ITPR2: variants seen among roughly 807,000 people sequenced by gnomAD.
ITPR2 encodes the protein inositol 1,4,5-trisphosphate receptor type 2, also known as inositol 1,4,5-trisphosphate-gated calcium channel ITPR2.
A neutral mutation model predicts 317.1 loss-of-function variants in ITPR2; 207 were observed. The ratio of observed to expected loss-of-function variants is 0.65; its 90% confidence interval spans 0.58 to 0.73. The LOEUF (loss-of-function observed/expected upper bound fraction) is 0.73. ITPR2 is among the 30% of genes least tolerant of loss of function. The probability of loss-of-function intolerance (pLI) is 0.00; values close to 1 mark genes in which losing one functional copy is unlikely to be tolerated. For synonymous variants in ITPR2, 1,156 were observed against 1,149.1 expected, an observed-to-expected ratio of 1.01 and a Z score of -0.12; for missense variants, 2,613 against 3,284.0, an observed-to-expected ratio of 0.80 and a Z score of 4.99.
intron 54 of ITPR2, among the ~76,000 whole-genome samples, chr12:26,396,425 G>C (rs547796645): frequency 6.6e-6 from 1 of 152,066 alleles, no homozygotes; most frequent in South Asian, 2.1e-4. Flanking sequence ...TCTCTGCTTG[G>C]GCAGAGTTGA....
At chr12:26,784,004 G>C (rs957631527) in intron 2 of ITPR2, among the ~76,000 whole-genome samples, 1 of 112,692 alleles carries the variant, frequency 8.9e-6, no homozygotes, top group African/African-American at 2.6e-5. Context: ...GGAAAAGCTG[G>C]TGAAATATGA....
At chr12:26,472,518 C>T (rs1942317135) in intron 45 of ITPR2, among the ~76,000 whole-genome samples, 1 of 151,750 alleles carries the variant, frequency 6.6e-6, no homozygotes, top group Non-Finnish European at 1.5e-5. Flanking sequence ...TCGATATATC[C>T]ACCCCAATCA....
rs781283345 is a variant in ITPR2 at position 26,439,236 on chromosome 12, G to A, written c.6534C>T (p.Cys2178=). 5 of 1,612,754 alleles carry A rather than the reference G, an allele frequency of 3.1e-6. No individual in the cohort carries two copies. The Admixed American group carries it at 6.7e-5, about 22-fold the overall frequency. The change falls in exon 47 of 57, where the codon TGC becomes TGT. Residue 2178 remains cysteine (C), a synonymous_variant. Coordinates refer to ENST00000381340, the MANE Select transcript of ITPR2 (RefSeq NM_002223.4). ...CCCTTTCAGTTGTATTGAACACACG[G>A]CACTTGGATTCTCGAGTGAGGTATT... ...ICEYLTRESK[C]RVFNTTERDE... is the part of the protein sequence containing the mutation.
At chr12:26,754,120 T>A (rs1949480711) in intron 2 of ITPR2, among the ~76,000 whole-genome samples, 1 of 152,234 alleles carries the variant, frequency 6.6e-6, no homozygotes, top group African/African-American at 2.4e-5. Context: ...ATGCCTTTTA[T>A]TTAGTTCACG....
chr12:26,441,919 T>C (rs2136734999), intron 46 of ITPR2, among the ~76,000 whole-genome samples: 1 of 152,170 alleles, frequency 6.6e-6, no homozygotes, highest in South Asian at 2.1e-4. Flanking sequence ...ATGTGTGTAT[T>C]TATAATATAT....
Position 26,335,759 on chromosome 12 carries a change from G to A in ITPR2, c.*3638C>T, listed in dbSNP as rs1025206466. The A allele has an allele frequency of 2.6e-5, 4 of 152,122 alleles. No homozygotes were observed. Among genetic ancestry groups the A allele is most frequent in the African/African-American group, 7.2e-5 (3 of 41,420 alleles). 9.4% of individuals were successfully genotyped at this position (152,122 alleles called of 1,614,324 possible). A position where few individuals can be genotyped will look rare whatever the true frequency, so the allele number is the denominator to read the frequency against. ...ATTTTGAGAATACAGAGCTTCCCACGGCCTCCCCCATCCCTGCATTTGGTG... is the reference window on the plus strand; with the variant it reads ...ATTTTGAGAATACAGAGCTTCCCACAGCCTCCCCCATCCCTGCATTTGGTG... On this transcript the variant is annotated 3_prime_UTR_variant, in exon 57 of 57. Transcript: ENST00000381340.
chr12:26,439,362 TC>T (rs1231914280), intron 46 of ITPR2, 43 bp from the exon 47 acceptor site: 1 of 1,389,538 alleles, frequency 7.2e-7, no homozygotes, highest in Non-Finnish European at 9.8e-7. Flanking sequence ...TTCGGACACC[TC>T]AGTCTTAGAC....
chr12:26,484,255 T>C (rs1942612115), intron 41 of ITPR2, among the ~76,000 whole-genome samples: 1 of 150,488 alleles, frequency 6.6e-6, no homozygotes, highest in South Asian at 2.1e-4. Context: ...GAAAGAGTAA[T>C]GGGAAGTCGG....
intron 2 of ITPR2, among the ~76,000 whole-genome samples, chr12:26,751,926 G>A (rs146875978): frequency 1.0e-3 from 154 of 150,708 alleles, no homozygotes; most frequent in Middle Eastern, 3.6e-3. Flanking sequence ...ACATCATTTC[G>A]AACCCAGACA....
At chr12:26,489,781 G>A (rs1469937879) in intron 39 of ITPR2, among the ~76,000 whole-genome samples, 2 of 152,214 alleles carry the variant, frequency 1.3e-5, no homozygotes, top group African/African-American at 4.8e-5. Context: ...AATAAAGGAA[G>A]GGGCTGCAGT....
chr12:26,374,259 G>A (rs1311766685), intron 55 of ITPR2, among the ~76,000 whole-genome samples: 3 of 152,148 alleles, frequency 2.0e-5, no homozygotes, highest in Non-Finnish European at 4.4e-5. Flanking sequence ...CCTGACCTTC[G>A]CTTGATGGTA....
chr12:26,460,675 C>A (rs187259027), intron 45 of ITPR2, among the ~76,000 whole-genome samples: 1 of 152,018 alleles, frequency 6.6e-6, no homozygotes, highest in Non-Finnish European at 1.5e-5. Flanking sequence ...CCAGGATATA[C>A]GGTAAAAAGC....
chr12:26,636,919 G>C, intron 21 of ITPR2, among the ~76,000 whole-genome samples: 1 of 152,058 alleles, frequency 6.6e-6, no homozygotes, highest in East Asian at 1.9e-4. Context: ...ACACCAGGTT[G>C]GTTCACTAAC....
At chr12:26,640,942 C>G (rs529603745) in intron 21 of ITPR2, among the ~76,000 whole-genome samples, 1 of 152,108 alleles carries the variant, frequency 6.6e-6, no homozygotes, top group African/African-American at 2.4e-5. Flanking sequence ...CTGGAGATGT[C>G]TAACTCAGAT....
At chr12:26,728,175 C>T (rs1948965286) in intron 2 of ITPR2, among the ~76,000 whole-genome samples, 1 of 152,174 alleles carries the variant, frequency 6.6e-6, no homozygotes, top group South Asian at 2.1e-4. Context: ...GCAGGAAGGC[C>T]ATCCCCGAAA....
At chr12:26,515,853 T>G (rs1943473549) in intron 37 of ITPR2, among the ~76,000 whole-genome samples, 1 of 151,544 alleles carries the variant, frequency 6.6e-6, no homozygotes, top group African/African-American at 2.4e-5. Flanking sequence ...CTCATGCCTG[T>G]AATCCCAGCA....
At chr12:26,454,218 T>C (rs1428261409) in intron 45 of ITPR2, among the ~76,000 whole-genome samples, 1 of 152,218 alleles carries the variant, frequency 6.6e-6, no homozygotes, top group African/African-American at 2.4e-5. Context: ...TGTTTGTTTG[T>C]TTTTTGAGAC....
At chr12:26,458,567 A>C (rs909435164) in intron 45 of ITPR2, among the ~76,000 whole-genome samples, 1 of 152,194 alleles carries the variant, frequency 6.6e-6, no homozygotes, top group African/African-American at 2.4e-5. Flanking sequence ...AATGTTAAAC[A>C]CGAGGGCGTC....
intron 37 of ITPR2, among the ~76,000 whole-genome samples, chr12:26,518,935 A>G (rs1943597571): frequency 6.6e-6 from 1 of 152,110 alleles, no homozygotes; most frequent in East Asian, 1.9e-4. Flanking sequence ...TTTTTGAAAG[A>G]CTGCATAAAA....
Sources: gnomAD v4.1 joint callset for allele counts (sites outside exome capture counted in the v4.1 genomes callset) on GRCh38, gnomAD v4.1.1 for gene constraint, MANE v1.5 for transcripts, NCBI Gene and HGNC (gene_info 2026-07-23, HGNC 2026-07-21) for gene names.